Variants in PDE1C observed in about 807,000 individuals in gnomAD.
The protein encoded by PDE1C is dual specificity calcium/calmodulin-dependent 3',5'-cyclic nucleotide phosphodiesterase 1C.
In PDE1C, 62 loss-of-function variants were observed where a neutral mutation model predicts 93.1. The observed-to-expected ratio is 0.67, with a 90% CI of 0.54 to 0.82. The LOEUF (loss-of-function observed/expected upper bound fraction) is 0.82. Ranked by LOEUF, PDE1C falls within the 40% of genes least tolerant of loss-of-function variation. The probability of loss-of-function intolerance (pLI) is 0.00; values close to 1 mark genes in which losing one functional copy is unlikely to be tolerated. For synonymous variants in PDE1C, 325 were observed against 310.1 expected (o/e 1.05, Z -0.50); for missense variants, 742 against 884.6 (o/e 0.84, Z 2.04).
intron 2 of PDE1C, among the ~76,000 whole-genome samples, chr7:31,965,331 T>C (rs1162857749): frequency 2.6e-5 from 4 of 152,206 alleles, no homozygotes; most frequent in African/African-American, 9.7e-5. Flanking sequence ...CAGTAGCCGA[T>C]GCGATCAACT....
chr7:31,985,169 A>T (rs944055196), intron 2 of PDE1C, among the ~76,000 whole-genome samples: 3 of 152,198 alleles, frequency 2.0e-5, no homozygotes, highest in Non-Finnish European at 4.4e-5. Context: ...GTAGACTAGT[A>T]AGCAGTACCA....
intron 7 of PDE1C, among the ~76,000 whole-genome samples, chr7:31,858,136 C>G (rs542734219): frequency 1.3e-5 from 2 of 152,092 alleles, no homozygotes; most frequent in Non-Finnish European, 2.9e-5. Flanking sequence ...CAGAAGCAGA[C>G]AGAAGAGAAA....
intron 3 of PDE1C, among the ~76,000 whole-genome samples, chr7:32,166,374 A>G (rs1426025355): frequency 6.6e-6 from 1 of 152,134 alleles, no homozygotes; most frequent in African/African-American, 2.4e-5. Context: ...GGTACAACTG[A>G]GCACTAAACT....
the PDE1C span, among the ~76,000 whole-genome samples, chr7:31,680,934 C>G: frequency 8.1e-3 from 1,231 of 152,244 alleles, 19 homozygotes; most frequent in African/African-American, 0.028. Context: ...AGCTCTGATA[C>G]CTGGTCCTGA....
the PDE1C span, chr7:31,696,945 G>A: frequency 1.9e-6 from 3 of 1,612,188 alleles, no homozygotes; most frequent in East Asian, 4.5e-5. Flanking sequence ...GTTTCTCTCT[G>A]TGTTCCCCTA....
chr7:32,273,978 T>C (rs1316512659), intron 1 of PDE1C, among the ~76,000 whole-genome samples: 1 of 152,192 alleles, frequency 6.6e-6, no homozygotes, highest in Non-Finnish European at 1.5e-5. Context: ...AGTGTCATTC[T>C]CATTACAAAA....
intron 3 of PDE1C, among the ~76,000 whole-genome samples, chr7:32,137,029 G>A (rs953425558): frequency 6.6e-6 from 1 of 152,164 alleles, no homozygotes; most frequent in Non-Finnish European, 1.5e-5. Context: ...CTTGATCACA[G>A]AATCATGTAT....
At chr7:32,339,595 C>T (rs570849430) in intron 1 of PDE1C, among the ~76,000 whole-genome samples, 84 of 152,120 alleles carry the variant, frequency 5.5e-4, no homozygotes, top group African/African-American at 1.9e-3. Context: ...AAGATGAGGA[C>T]GGAACTCTCC....
chr7:31,754,266 A>T (rs950569838), intron 17 of PDE1C, among the ~76,000 whole-genome samples: 13 of 152,238 alleles, frequency 8.5e-5, no homozygotes, highest in Non-Finnish European at 1.6e-4. Flanking sequence ...AAGTAATGGG[A>T]ACTCCCATTC....
intron 2 of PDE1C, chr7:31,893,467 G>T: frequency 1.0e-6 from 1 of 984,272 alleles, no homozygotes; most frequent in Non-Finnish European, 1.2e-6. Context: ...GAAGAATTGG[G>T]AAGACTTACT....
At chr7:31,827,597 A>G (rs960763408) in intron 12 of PDE1C, among the ~76,000 whole-genome samples, 1 of 152,170 alleles carries the variant, frequency 6.6e-6, no homozygotes, top group Non-Finnish European at 1.5e-5. Context: ...TACATTATAA[A>G]AAAAGCATAA....
At chr7:32,187,318 T>G (rs1331253588) in intron 2 of PDE1C, among the ~76,000 whole-genome samples, 2 of 152,026 alleles carry the variant, frequency 1.3e-5, no homozygotes, top group African/African-American at 4.8e-5. Context: ...AACTTAAAAT[T>G]ATATATTCTT....
At chr7:32,174,624 G>A (rs952972352) in intron 2 of PDE1C, among the ~76,000 whole-genome samples, 5 of 152,164 alleles carry the variant, frequency 3.3e-5, no homozygotes, top group Non-Finnish European at 7.3e-5. Context: ...TCCAGAGATC[G>A]GGTCAGAGGC....
chr7:32,208,666 G>A (rs1474022182), intron 2 of PDE1C, among the ~76,000 whole-genome samples: 3 of 152,122 alleles, frequency 2.0e-5, no homozygotes, highest in African/African-American at 7.2e-5. Context: ...GTGCATAGTG[G>A]GTTTGGGGAG....
intron 16 of PDE1C, among the ~76,000 whole-genome samples, chr7:31,803,851 T>A: frequency 6.6e-6 from 1 of 152,026 alleles, no homozygotes; most frequent in East Asian, 1.9e-4. Flanking sequence ...AGTGCTGCTA[T>A]AAACATTCGT....
chr7:32,092,282 C>T (rs1203427590), intron 3 of PDE1C, among the ~76,000 whole-genome samples: 1 of 152,072 alleles, frequency 6.6e-6, no homozygotes, highest in Non-Finnish European at 1.5e-5. Context: ...AAAGTGTGTG[C>T]TTTGAAATGT....
chr7:32,210,462 G>C (rs986301099), intron 1 of PDE1C, among the ~76,000 whole-genome samples: 4 of 152,198 alleles, frequency 2.6e-5, no homozygotes, highest in African/African-American at 7.2e-5. Context: ...ATGAATGTAT[G>C]AGAAGTTGCA....
chr7:31,809,851 T>G (rs1165920078), intron 15 of PDE1C, among the ~76,000 whole-genome samples: 1 of 152,136 alleles, frequency 6.6e-6, no homozygotes, highest in Non-Finnish European at 1.5e-5. Context: ...AACTTCACAG[T>G]ACCTAGGCTT....
the PDE1C span, chr7:31,707,458 T>C: frequency 1.7e-6 from 1 of 586,788 alleles, no homozygotes; most frequent in Non-Finnish European, 3.0e-6. Flanking sequence ...TTTGTCTCTC[T>C]CTTCTTTCTG....
Sources: allele counts gnomAD v4.1 joint callset (sites outside exome capture counted in the v4.1 genomes callset), GRCh38; gene constraint gnomAD v4.1.1; transcripts MANE v1.5; gene names NCBI Gene and HGNC (gene_info 2026-07-23, HGNC 2026-07-21).